Variants in NIBAN2 observed in about 807,000 individuals in gnomAD.
The protein encoded by NIBAN2 is niban apoptosis regulator 2, also known as protein Niban 2.
Under a neutral mutation model 81.8 loss-of-function variants are expected in NIBAN2, and 36 were observed. The ratio of observed to expected loss-of-function variants is 0.44; its 90% confidence interval spans 0.34 to 0.58. NIBAN2 has a LOEUF of 0.58. Among genes scored for constraint, NIBAN2 ranks in the 20% least tolerant of loss-of-function variants. NIBAN2 has a pLI of 0.02. For missense variants in NIBAN2, 897 were observed against 1,014.1 expected, an observed-to-expected ratio of 0.88 and a Z score of 1.57; for synonymous variants, 445 against 441.6, an observed-to-expected ratio of 1.01 and a Z score of -0.10.
At position 127,536,552 on chromosome 9, in the gene NIBAN2, G is replaced by C. The variant is rs1372238237; in HGVS notation, c.56-4774C>G. Among the ~76,000 whole-genome samples, 1 of 152,204 alleles carries C rather than the reference G, an allele frequency of 6.6e-6. No homozygotes were observed. Among genetic ancestry groups the C allele is most frequent in the African/African-American group, 2.4e-5 (1 of 41,450 alleles). ...CGGCCTGGGTGTCTGTGGGGGTCCT[G>C]AGCCCGGGCACCCCTCTTTCCTCCA... is the stretch of plus-strand genomic sequence containing the variant. On this transcript the variant is annotated intron_variant, in intron 1 of 13. Transcript: ENST00000373312. The surrounding 1 kb of genome is among the most constrained non-coding windows in gnomAD (Gnocchi z 4.0).
intron 1 of NIBAN2, among the ~76,000 whole-genome samples, chr9:127,540,317 G>T (rs911268061): frequency 6.6e-6 from 1 of 152,188 alleles, no homozygotes; most frequent in Non-Finnish European, 1.5e-5. Context: ...TGCAGATAGG[G>T]GAACTGAGGC....
In NIBAN2 at chr9:127,517,933, C is replaced by A; in HGVS notation, c.598G>T (p.Glu200Ter). The change falls in exon 6 of 14, where the codon GAG becomes TAG. Residue 200 changes from glutamate to a stop codon, truncating the protein, a stop_gained. Coordinates refer to ENST00000373312, the MANE Select transcript of NIBAN2 (RefSeq NM_022833.4). LOFTEE classifies it high-confidence loss of function. The surrounding 1 kb of genome is among the most constrained non-coding windows in gnomAD (Gnocchi z 4.0). ...CIRHCNNGIP[E>*]DSKVEGPAFT... is the part of the protein sequence containing the mutation. ...GCAGGGCCCTCTACCTTGGAGTCCTCAGGGATTCCTGCCCAGGAGACGGAG... is the reference window on the plus strand; with the variant it reads ...GCAGGGCCCTCTACCTTGGAGTCCTAAGGGATTCCTGCCCAGGAGACGGAG... 6.2e-7 allele frequency: 1 copy of A among 1,602,358 alleles called. No homozygotes were observed. The highest frequency in any genetic ancestry group is 8.5e-7 in the Non-Finnish European group (1 of 1,173,694).
chr9:127,568,609 G>A (rs1293571610), intron 1 of NIBAN2, among the ~76,000 whole-genome samples: 1 of 152,102 alleles, frequency 6.6e-6, no homozygotes, highest in East Asian at 1.9e-4. Context: ...CCCTTGAGCC[G>A]GGAAAGGTGG....
Position 127,563,044 on chromosome 9 carries a change from G to C in NIBAN2, c.55+5776C>G, listed in dbSNP as rs2249706. Among the ~76,000 whole-genome samples the C allele has an allele frequency of 1.3e-5, 2 of 151,938 alleles. No individual in the cohort carries two copies. The highest frequency in any genetic ancestry group is 4.8e-5 in the African/African-American group (2 of 41,356). ...CAGGACGGCGGGTGAGTGGTTCCTAGTCCTGTTTTTCCGCTTCACTCCTTG... is the reference window on the plus strand; with the variant it reads ...CAGGACGGCGGGTGAGTGGTTCCTACTCCTGTTTTTCCGCTTCACTCCTTG... On this transcript the variant is annotated intron_variant, in intron 1 of 13. Transcript: ENST00000373312. The surrounding 1 kb of genome is among the most constrained non-coding windows in gnomAD (Gnocchi z 4.1).
intron 3 of NIBAN2, among the ~76,000 whole-genome samples, chr9:127,525,893 G>A (rs1013237548): frequency 2.0e-5 from 3 of 152,116 alleles, no homozygotes; most frequent in South Asian, 2.1e-4. Flanking sequence ...TCACACAAGC[G>A]TCCTCTGGAG....
chr9:127,537,348 C>T (rs1837298281), intron 1 of NIBAN2, among the ~76,000 whole-genome samples: 1 of 152,230 alleles, frequency 6.6e-6, no homozygotes, highest in Admixed American at 6.5e-5. Flanking sequence ...TGTTAATCAT[C>T]AGTGTCCTCA....
intron 1 of NIBAN2, among the ~76,000 whole-genome samples, chr9:127,539,001 A>G (rs1051443400): frequency 1.1e-4 from 16 of 152,038 alleles, no homozygotes; most frequent in Non-Finnish European, 2.4e-4. Flanking sequence ...AATTCACTAT[A>G]TACTTAAAAT....
At chr9:127,546,037 G>C (rs905796937) in intron 1 of NIBAN2, among the ~76,000 whole-genome samples, 45 of 152,304 alleles carry the variant, frequency 3.0e-4, no homozygotes, top group African/African-American at 9.1e-4. Context: ...ACCACCCAGA[G>C]CAGGACCCAC....
chr9:127,565,204 C>T (rs376671043), intron 1 of NIBAN2, among the ~76,000 whole-genome samples: 58 of 152,158 alleles, frequency 3.8e-4, no homozygotes, highest in African/African-American at 8.9e-4. Context: ...TCAAGCAATC[C>T]GCCCTCCTCA....
Sources: allele counts gnomAD v4.1 joint callset (sites outside exome capture counted in the v4.1 genomes callset), GRCh38; gene constraint gnomAD v4.1.1; non-coding constraint Gnocchi (gnomAD v3.1); transcripts MANE v1.5; gene names NCBI Gene and HGNC (gene_info 2026-07-23, HGNC 2026-07-21).